Variants in CEP350 observed in about 807,000 individuals in gnomAD.
CEP350 encodes centrosome-associated protein 350.
A neutral mutation model predicts 331.8 loss-of-function variants in CEP350; 126 were observed. That is an observed-to-expected ratio of 0.38 (90% CI 0.33 to 0.44). CEP350 has a LOEUF of 0.44. CEP350 is among the 20% of genes least tolerant of loss of function. The pLI is 1.00. For missense variants in CEP350, 3,406 were observed against 3,634.6 expected, an observed-to-expected ratio of 0.94 and a Z score of 1.62; for synonymous variants, 1,200 against 1,259.5, an observed-to-expected ratio of 0.95 and a Z score of 1.00.
intron 1 of CEP350, among the ~76,000 whole-genome samples, chr1:179,973,787 C>A: frequency 6.6e-6 from 1 of 152,044 alleles, no homozygotes; most frequent in Non-Finnish European, 1.5e-5. Context: ...ATGTGAATTT[C>A]ATTTCCTTAT....
chr1:179,999,740 G>A (rs1054405688), intron 6 of CEP350, among the ~76,000 whole-genome samples: 1 of 152,026 alleles, frequency 6.6e-6, no homozygotes, highest in Non-Finnish European at 1.5e-5. Flanking sequence ...TAAGCAAATA[G>A]GAGTATGTGT....
chr1:180,091,882 A>G (rs1008482527), intron 33 of CEP350, among the ~76,000 whole-genome samples: 4 of 151,958 alleles, frequency 2.6e-5, no homozygotes, highest in Admixed American at 1.3e-4. Context: ...GTGCAAAGAA[A>G]CATCAGTGAC....
chr1:180,085,223 A>G (rs1208021361), intron 31 of CEP350, among the ~76,000 whole-genome samples: 1 of 152,056 alleles, frequency 6.6e-6, no homozygotes, highest in African/African-American at 2.4e-5. Flanking sequence ...AATAGCTTCT[A>G]ATTGATAACT....
intron 26 of CEP350, among the ~76,000 whole-genome samples, chr1:180,063,207 T>G (rs1571943406): frequency 7.2e-6 from 1 of 139,526 alleles, no homozygotes; most frequent in Non-Finnish European, 1.5e-5. Context: ...TTTTTTTTTT[T>G]GGAGACACGG....
chr1:180,009,598 A>G (rs969656343), intron 8 of CEP350, among the ~76,000 whole-genome samples: 1 of 152,210 alleles, frequency 6.6e-6, no homozygotes, highest in Non-Finnish European at 1.5e-5. Context: ...GAATTTAGAA[A>G]TAACCACTCA....
intron 1 of CEP350, among the ~76,000 whole-genome samples, chr1:179,960,761 A>T (rs1017819897): frequency 6.6e-6 from 1 of 152,210 alleles, no homozygotes; most frequent in Non-Finnish European, 1.5e-5. Context: ...CCTATTAAGT[A>T]GTTGTGGTAA....
intron 1 of CEP350, among the ~76,000 whole-genome samples, chr1:179,979,483 A>G (rs1403693969): frequency 2.0e-5 from 3 of 149,130 alleles, no homozygotes; most frequent in African/African-American, 7.4e-5. Context: ...TATTTCCTCC[A>G]ATTTTTTAGG....
chr1:180,105,429 A>G (rs1485764274), intron 37 of CEP350, among the ~76,000 whole-genome samples: 1 of 152,130 alleles, frequency 6.6e-6, no homozygotes, highest in Non-Finnish European at 1.5e-5. Context: ...CCAGATGCAT[A>G]TAGCCATTTG....
chr1:180,020,061 T>TTGAGTTTAG lies in CEP350; in HGVS notation c.2288_2296dup (p.Leu765_Glu766insValSerLeu). 1 of 1,614,002 alleles carries TTGAGTTTAG rather than the reference T, an allele frequency of 6.2e-7. No individual in the cohort carries two copies. The highest frequency in any genetic ancestry group is 1.3e-5 in the African/African-American group (1 of 75,054). On this transcript the variant is annotated inframe_insertion, in exon 12 of 38. Coordinates refer to ENST00000367607, the MANE Select transcript of CEP350 (RefSeq NM_014810.5). ...AGCTGGAAGTTTACTCTCCCATCTC[T>TTGAGTTTAG]TGAGTTTAGAGCATGTAGGAATTTT...
In CEP350 at chr1:180,048,530, A is replaced by C. The variant is rs1657276007; in HGVS notation, c.4623-6A>C. Reference sequence around the variant, plus strand: ...GTTGTTGTTGTTTCCATGTATCCATAAAAAGAAGTAGCAGTGGTAGCAGCC... The same window carrying C: ...GTTGTTGTTGTTTCCATGTATCCATCAAAAGAAGTAGCAGTGGTAGCAGCC... On this transcript the variant is annotated splice_polypyrimidine_tract_variant and splice_region_variant and intron_variant, in intron 21 of 37. Coordinates refer to ENST00000367607, the MANE Select transcript of CEP350 (RefSeq NM_014810.5). 1.9e-6 allele frequency: 3 copies of C among 1,580,602 alleles called. No homozygotes were observed. The African/African-American group carries it at 4.1e-5, about 21-fold the overall frequency.
rs1658285202 is a variant in CEP350 at position 180,062,511 on chromosome 1, A to G, written c.5409+145A>G. On this transcript the variant is annotated intron_variant, in intron 26 of 37. Transcript: ENST00000367607. ...AAAGTTCTATGGATGGGCCAGTCTT[A>G]GTCCATTTTCTGTTGCTATAACTGA... 13 of 1,152,404 alleles carry G rather than the reference A, an allele frequency of 1.1e-5. No individual in the cohort carries two copies. The Admixed American group carries it at 3.7e-4, about 32-fold the overall frequency. The allele number at this position is 1,152,404 out of a possible 1,614,324, so 71.4% of individuals were successfully genotyped here. A position where few individuals can be genotyped will look rare whatever the true frequency, so the allele number is the denominator to read the frequency against.
chr1:180,039,376 C>T (rs542785119), intron 17 of CEP350, among the ~76,000 whole-genome samples: 6 of 152,206 alleles, frequency 3.9e-5, no homozygotes, highest in African/African-American at 1.2e-4. Flanking sequence ...TTAACATTCT[C>T]TTACGTTTTT....
At chr1:180,015,755 T>C (rs1654933156) in intron 10 of CEP350, 94 bp from the exon 11 acceptor site, 2 of 1,395,344 alleles carry the variant, frequency 1.4e-6, no homozygotes, top group South Asian at 1.5e-5. Flanking sequence ...TTATGATCTT[T>C]GTAGAGCTGA....
intron 14 of CEP350, among the ~76,000 whole-genome samples, chr1:180,026,558 T>C (rs1655690350): frequency 1.3e-5 from 2 of 152,222 alleles, no homozygotes; most frequent in African/African-American, 4.8e-5. Flanking sequence ...GCATCACCAC[T>C]GTCCTTCTCC....
chr1:179,988,249 A>G (rs1652787794), intron 3 of CEP350, among the ~76,000 whole-genome samples: 1 of 151,560 alleles, frequency 6.6e-6, no homozygotes, highest in South Asian at 2.1e-4. Context: ...GTGAGCTATG[A>G]TCACACCACT....
At chr1:180,062,660 A>C (rs979568194) in intron 26 of CEP350, among the ~76,000 whole-genome samples, 1 of 152,212 alleles carries the variant, frequency 6.6e-6, no homozygotes, top group Non-Finnish European at 1.5e-5. Context: ...GACTCTCCGC[A>C]GAGTCCCAAG....
Position 180,024,461 on chromosome 1 carries a change from T to C in CEP350, c.3429T>C (p.Ser1143=), listed in dbSNP as rs1262231283. 3 of 1,612,768 alleles carry C rather than the reference T, an allele frequency of 1.9e-6. No individual in the cohort carries two copies. Among genetic ancestry groups the C allele is most frequent in the Non-Finnish European group, 2.5e-6 (3 of 1,179,384 alleles). Residue 1143 remains serine (S), a synonymous_variant, in exon 14 of 38, where the codon TCT becomes TCC. Coordinates refer to ENST00000367607, the MANE Select transcript of CEP350 (RefSeq NM_014810.5). ...SPQEDHSNRK[S]AYDPSSVDVT... is the part of the protein sequence containing the mutation. ...AGGAGGACCATTCTAACAGAAAGTCTGCCTATGATCCTTCCTCTGTGGATG... is the reference window on the plus strand; with the variant it reads ...AGGAGGACCATTCTAACAGAAAGTCCGCCTATGATCCTTCCTCTGTGGATG...
chr1:180,056,207 C>G (rs1274668439), intron 25 of CEP350, among the ~76,000 whole-genome samples: 1 of 152,058 alleles, frequency 6.6e-6, no homozygotes, highest in African/African-American at 2.4e-5. Context: ...TTTCTTTCAG[C>G]ACTTCTAAAG....
At position 180,093,864 on chromosome 1, in the gene CEP350, C is replaced by A. The variant is rs1358476732; in HGVS notation, c.7759C>A (p.Arg2587=). 1.2e-6 allele frequency: 2 copies of A among 1,613,766 alleles called. No individual in the cohort carries two copies. The highest frequency in any genetic ancestry group is 1.7e-6 in the Non-Finnish European group (2 of 1,179,848). ...AGATGAAGACTGTTACTCAGATGAA[C>A]GATATCAGTGCTATAATCAAGAGCA... is the stretch of plus-strand genomic sequence containing the variant. The part of the protein sequence containing the change: ...NEDEDCYSDE[R]YQCYNQEQND... Residue 2587 remains arginine (R), a synonymous_variant, in exon 34 of 38, where the codon CGA becomes AGA. Transcript: ENST00000367607.
Sources: gnomAD v4.1 joint callset for allele counts (sites outside exome capture counted in the v4.1 genomes callset) on GRCh38, gnomAD v4.1.1 for gene constraint, MANE v1.5 for transcripts, NCBI Gene and HGNC (gene_info 2026-07-23, HGNC 2026-07-21) for gene names.